The following NEGR1 variants were observed in gnomAD, a reference collection of about 807,000 sequenced individuals.
NEGR1 encodes IgLON family member 4.
In NEGR1, 10 loss-of-function variants were observed where a neutral mutation model predicts 40.9. The ratio of observed to expected loss-of-function variants is 0.24; its 90% CI spans 0.15 to 0.42. The LOEUF (loss-of-function observed/expected upper bound fraction) is 0.42. NEGR1 is among the 10% of genes least tolerant of loss of function. The pLI is 1.00. For missense variants in NEGR1, 352 were observed against 438.9 expected, an observed-to-expected ratio of 0.80 and a Z score of 1.77; for synonymous variants, 185 against 166.8, an observed-to-expected ratio of 1.11 and a Z score of -0.84.
chr1:71,576,346 C>T (rs1570053885), intron 6 of NEGR1, among the ~76,000 whole-genome samples: 1 of 151,988 alleles, frequency 6.6e-6, no homozygotes, highest in Non-Finnish European at 1.5e-5. Context: ...TTTGGGGTTG[C>T]GTATGACAGA....
chr1:71,750,085 C>A (rs1170305398), intron 3 of NEGR1, among the ~76,000 whole-genome samples: 1 of 151,406 alleles, frequency 6.6e-6, no homozygotes, highest in Non-Finnish European at 1.5e-5. Flanking sequence ...GCTCCGCTTC[C>A]CAGGTTCACG....
At chr1:72,238,194 C>T (rs1263796755) in intron 1 of NEGR1, among the ~76,000 whole-genome samples, 1 of 151,796 alleles carries the variant, frequency 6.6e-6, no homozygotes, top group Non-Finnish European at 1.5e-5. Flanking sequence ...CCTCTTTCCT[C>T]CTTTATCAAA....
chr1:71,947,704 G>A (rs779218387), intron 1 of NEGR1, among the ~76,000 whole-genome samples: 8 of 152,002 alleles, frequency 5.3e-5, no homozygotes, highest in Non-Finnish European at 1.0e-4. Context: ...TTTGTGAAAG[G>A]TGACAGTAAA....
intron 5 of NEGR1, among the ~76,000 whole-genome samples, chr1:71,602,577 A>G (rs1381068132): frequency 6.6e-6 from 1 of 152,062 alleles, no homozygotes; most frequent in Admixed American, 6.5e-5. Context: ...AACCCCGTGG[A>G]ATGTTTGGAA....
chr1:71,539,135 GATA>G lies in NEGR1; in HGVS notation c.940+53679_940+53681del, dbSNP rs549568489. Among the ~76,000 whole-genome samples the G allele has an allele frequency of 7.9e-5, 12 of 151,788 alleles. No individual in the cohort carries two copies. The South Asian group carries it at 2.1e-3, about 26-fold the overall frequency. On this transcript the variant is annotated intron_variant, in intron 6 of 6. Coordinates refer to ENST00000357731, the MANE Select transcript of NEGR1 (RefSeq NM_173808.3). ...TAAGTTTGTGCAATTATTCAATGGA[GATA>G]ATGATGATATCTACCACTCAACATT...
At chr1:71,662,674 T>C (rs1318547965) in intron 4 of NEGR1, among the ~76,000 whole-genome samples, 1 of 151,402 alleles carries the variant, frequency 6.6e-6, no homozygotes, top group Non-Finnish European at 1.5e-5. Flanking sequence ...AACGTCAAAA[T>C]ATATACAATC....
chr1:72,072,760 T>C (rs1468741828), intron 1 of NEGR1, among the ~76,000 whole-genome samples: 1 of 152,104 alleles, frequency 6.6e-6, no homozygotes, highest in Non-Finnish European at 1.5e-5. Context: ...CTTCGGTTTA[T>C]AGAAAGAGAA....
intron 2 of NEGR1, among the ~76,000 whole-genome samples, chr1:71,805,975 T>C (rs1657756652): frequency 6.6e-6 from 1 of 152,220 alleles, no homozygotes; most frequent in Admixed American, 6.5e-5. Flanking sequence ...TAAAATTCAG[T>C]GTGTGCAAAA....
At chr1:71,633,441 G>A (rs1350909156) in intron 4 of NEGR1, among the ~76,000 whole-genome samples, 1 of 152,004 alleles carries the variant, frequency 6.6e-6, no homozygotes, top group Non-Finnish European at 1.5e-5. Flanking sequence ...TTATGTTCTG[G>A]GAAGAATGGA....
chr1:72,061,074 G>A (rs1647164893), intron 1 of NEGR1, among the ~76,000 whole-genome samples: 1 of 151,658 alleles, frequency 6.6e-6, no homozygotes, highest in African/African-American at 2.4e-5. Context: ...CTCAGGGCTA[G>A]AATCTATGAC....
intron 6 of NEGR1, among the ~76,000 whole-genome samples, chr1:71,470,347 T>A (rs1646774199): frequency 6.6e-6 from 1 of 152,154 alleles, no homozygotes; most frequent in South Asian, 2.1e-4. Context: ...TGGTCATTGA[T>A]AATATGCCTC....
chr1:71,667,456 G>A (rs1389792764), intron 4 of NEGR1, among the ~76,000 whole-genome samples: 1 of 152,118 alleles, frequency 6.6e-6, no homozygotes, highest in African/African-American at 2.4e-5. Context: ...CAATCTGGTG[G>A]CATGAGGGAC....
intron 1 of NEGR1, among the ~76,000 whole-genome samples, chr1:72,276,693 T>A (rs1426777252): frequency 6.6e-6 from 1 of 152,222 alleles, no homozygotes; most frequent in Non-Finnish European, 1.5e-5. Context: ...AACTATTACA[T>A]CCAGTGCTGG....
At chr1:71,951,972 T>A (rs916996866) in intron 1 of NEGR1, among the ~76,000 whole-genome samples, 1 of 151,946 alleles carries the variant, frequency 6.6e-6, no homozygotes, top group Non-Finnish European at 1.5e-5. Flanking sequence ...AGTTAATAAA[T>A]GTTGTCTGTG....
At chr1:71,460,074 A>G (rs72674990) in intron 6 of NEGR1, among the ~76,000 whole-genome samples, 115 of 152,352 alleles carry the variant, frequency 7.5e-4, no homozygotes, top group Non-Finnish European at 1.5e-3. Flanking sequence ...TTCAAAGTAC[A>G]TATTACTAAG....
intron 1 of NEGR1, among the ~76,000 whole-genome samples, chr1:72,050,575 T>C (rs146153943): frequency 1.8e-3 from 278 of 151,736 alleles, no homozygotes; most frequent in Middle Eastern, 6.8e-3. Context: ...TATCCATGGT[T>C]GACCCTTCTA....
At chr1:71,755,614 C>T (rs952824456) in intron 3 of NEGR1, among the ~76,000 whole-genome samples, 1 of 152,182 alleles carries the variant, frequency 6.6e-6, no homozygotes, top group Non-Finnish European at 1.5e-5. Flanking sequence ...TAGAACAGAA[C>T]AACTTTTGTC....
At chr1:72,245,505 A>G (rs901945694) in intron 1 of NEGR1, among the ~76,000 whole-genome samples, 10 of 152,122 alleles carry the variant, frequency 6.6e-5, no homozygotes, top group African/African-American at 2.4e-4. Context: ...TTAAGATACT[A>G]TGGCATCAAC....
At chr1:71,598,583 C>A (rs774640068) in intron 5 of NEGR1, among the ~76,000 whole-genome samples, 1 of 152,162 alleles carries the variant, frequency 6.6e-6, no homozygotes. Context: ...CTCACACTCT[C>A]TCCAACTTAC....
Sources: allele counts gnomAD v4.1 joint callset (sites outside exome capture counted in the v4.1 genomes callset), GRCh38; gene constraint gnomAD v4.1.1; transcripts MANE v1.5; gene names NCBI Gene and HGNC (gene_info 2026-07-23, HGNC 2026-07-21).